Variants in BFAR observed in about 807,000 individuals in gnomAD.
The protein encoded by BFAR is RING finger protein 47.
A neutral mutation model predicts 54.4 loss-of-function variants in BFAR; 52 were observed. The ratio of observed to expected loss-of-function variants is 0.96; its 90% CI spans 0.77 to 1.21. The LOEUF (loss-of-function observed/expected upper bound fraction) is 1.21. BFAR is among the 50% of genes most tolerant of loss of function. BFAR has a pLI of 0.00. For missense variants in BFAR, 571 were observed against 534.0 expected (o/e 1.07, Z -0.68); for synonymous variants, 215 against 204.3 (o/e 1.05, Z -0.45).
intron 2 of BFAR, among the ~76,000 whole-genome samples, chr16:14,647,477 T>A (rs1959835109): frequency 6.6e-6 from 1 of 151,812 alleles, no homozygotes; most frequent in Admixed American, 6.6e-5. Context: ...CAGGCGGATC[T>A]CATGAGGCCA....
At chr16:14,658,011 GA>G (rs1425517303) in intron 5 of BFAR, among the ~76,000 whole-genome samples, 1 of 152,190 alleles carries the variant, frequency 6.6e-6, no homozygotes, top group Non-Finnish European at 1.5e-5. Flanking sequence ...ACAGGCTACT[GA>G]AGCAGCTACA....
chr16:14,654,370 AT>A (rs67157206), intron 4 of BFAR, among the ~76,000 whole-genome samples: 122 of 152,190 alleles, frequency 8.0e-4, no homozygotes, highest in Non-Finnish European at 1.6e-3. Context: ...ATATAAAAAA[AT>A]AAATAAAAAT....
At chr16:14,665,952 G>A (rs2151845793) in intron 7 of BFAR, among the ~76,000 whole-genome samples, 1 of 152,228 alleles carries the variant, frequency 6.6e-6, no homozygotes, top group Non-Finnish European at 1.5e-5. Context: ...AGCATGACTG[G>A]ACCCTGAGAC....
At chr16:14,656,416 C>T (rs959803736) in intron 5 of BFAR, among the ~76,000 whole-genome samples, 20 of 151,232 alleles carry the variant, frequency 1.3e-4, no homozygotes, top group Non-Finnish European at 7.4e-5. Flanking sequence ...CAGCCATTTG[C>T]GAGGCTGAGG....
intron 1 of BFAR, among the ~76,000 whole-genome samples, chr16:14,638,658 T>C (rs931245565): frequency 6.6e-5 from 10 of 152,226 alleles, no homozygotes; most frequent in Admixed American, 5.9e-4. Context: ...GGTATAAAAA[T>C]TCTTAGCCTG....
rs528791630 is a variant in BFAR, at chr16:14,667,532, G to A, written c.1161-103G>A. On this transcript the variant is annotated intron_variant, in intron 7 of 7. Coordinates refer to ENST00000261658, the MANE Select transcript of BFAR (RefSeq NM_016561.3). The stretch of plus-strand genomic sequence containing the variant: ...CAGAAGACAAGGACATTCAGCACGG[G>A]CAGCCATGCTCTTCCCAGCACCCAG... 3.0e-5 allele frequency: 32 copies of A among 1,071,464 alleles called. No individual in the cohort carries two copies. The South Asian group carries it at 4.7e-4, about 16-fold the overall frequency. 66.4% of individuals were successfully genotyped at this position (1,071,464 alleles called of 1,614,324 possible).
At chr16:14,667,102 T>C (rs569549483) in intron 7 of BFAR, among the ~76,000 whole-genome samples, 1 of 151,748 alleles carries the variant, frequency 6.6e-6, no homozygotes, top group South Asian at 2.1e-4. Flanking sequence ...ACTCGGGAGG[T>C]TGAGGTGGAG....
Position 14,667,698 on chromosome 16 carries a change from C to A in BFAR, c.1224C>A (p.Ala408=), listed in dbSNP as rs775637162. 102 of 1,614,038 alleles carry A rather than the reference C, an allele frequency of 6.3e-5. No individual in the cohort carries two copies. Among genetic ancestry groups the A allele is most frequent in the Non-Finnish European group, 8.2e-5 (97 of 1,180,016 alleles). The part of the protein sequence containing the change: ...WKVSTQGLFV[A]MFWPLIPQFV... ...TATCAACGCAGGGGCTTTTTGTGGCCATGTTCTGGCCCCTCATCCCTCAGT... is the reference window on the plus strand; with the variant it reads ...TATCAACGCAGGGGCTTTTTGTGGCAATGTTCTGGCCCCTCATCCCTCAGT... The change falls in exon 8 of 8, where the codon GCC becomes GCA. Residue 408 remains alanine, a synonymous_variant. Transcript: ENST00000261658.
At chr16:14,635,576 C>T (rs1010383787) in intron 1 of BFAR, among the ~76,000 whole-genome samples, 2 of 152,088 alleles carry the variant, frequency 1.3e-5, no homozygotes, top group African/African-American at 2.4e-5. Flanking sequence ...AGCCCGCCTT[C>T]GTCTTACCCT....
At chr16:14,658,919 T>C (rs1960203768) in intron 5 of BFAR, among the ~76,000 whole-genome samples, 1 of 152,008 alleles carries the variant, frequency 6.6e-6, no homozygotes, top group African/African-American at 2.4e-5. Flanking sequence ...TTTTTTTTTT[T>C]TTTCTGAGAT....
chr16:14,656,034 A>AC (rs1318784733), intron 5 of BFAR, among the ~76,000 whole-genome samples: 1 of 151,702 alleles, frequency 6.6e-6, no homozygotes, highest in Non-Finnish European at 1.5e-5. Flanking sequence ...ACGTGGTGAA[A>AC]CCCCGTCTCT....
At chr16:14,662,622 C>T (rs1035925632) in intron 6 of BFAR, among the ~76,000 whole-genome samples, 3 of 152,180 alleles carry the variant, frequency 2.0e-5, no homozygotes, top group Middle Eastern at 3.4e-3. Context: ...TGGGCTCAAG[C>T]GATCTTCACA....
At chr16:14,658,957 G>T (rs1007052055) in intron 5 of BFAR, among the ~76,000 whole-genome samples, 6 of 151,660 alleles carry the variant, frequency 4.0e-5, no homozygotes, top group African/African-American at 1.5e-4. Flanking sequence ...ATCCAGGCTG[G>T]AGTGCAATGG....
chr16:14,633,324 C>T (rs984293668), intron 1 of BFAR: 1 of 152,452 alleles, frequency 6.6e-6, no homozygotes, highest in South Asian at 2.1e-4. Context: ...TCCTGGGGCT[C>T]CCTAGGGCGG....
At chr16:14,658,869 C>T (rs1005102002) in intron 5 of BFAR, among the ~76,000 whole-genome samples, 1 of 152,018 alleles carries the variant, frequency 6.6e-6, no homozygotes, top group Non-Finnish European at 1.5e-5. Flanking sequence ...ATTACAATAT[C>T]ACCATTGTAC....
At chr16:14,637,656 T>G (rs1241312702) in intron 1 of BFAR, among the ~76,000 whole-genome samples, 1 of 152,000 alleles carries the variant, frequency 6.6e-6, no homozygotes, top group East Asian at 1.9e-4. Context: ...GCCAACATGG[T>G]GAAACCCCAT....
intron 1 of BFAR, among the ~76,000 whole-genome samples, chr16:14,634,294 A>G (rs1353626466): frequency 6.6e-6 from 1 of 152,178 alleles, no homozygotes; most frequent in Admixed American, 6.5e-5. Flanking sequence ...TGTTTTCTCA[A>G]CATCCAGCCT....
chr16:14,650,167 C>CA (rs947572047), intron 4 of BFAR, 194 bp downstream of exon 4: 24,253 of 351,026 alleles, frequency 0.069, no homozygotes, highest in East Asian at 0.097. Context: ...ACTAAAAATA[C>CA]AAAAAAAAAA....
intron 5 of BFAR, among the ~76,000 whole-genome samples, chr16:14,659,006 C>G (rs545138827): frequency 2.0e-5 from 3 of 151,702 alleles, no homozygotes; most frequent in South Asian, 2.1e-4. Context: ...CTCCCAGGTT[C>G]GAGCGATTCC....
Sources: allele counts gnomAD v4.1 joint callset (sites outside exome capture counted in the v4.1 genomes callset), GRCh38; gene constraint gnomAD v4.1.1; transcripts MANE v1.5; gene names NCBI Gene and HGNC (gene_info 2026-07-23, HGNC 2026-07-21).